Variants in PDE3A observed in about 807,000 individuals in gnomAD.
PDE3A encodes phosphodiesterase 3A.
PDE3A carries 43 observed loss-of-function variants against 98.3 expected under a neutral mutation model. That is an observed-to-expected ratio of 0.44 (90% confidence interval 0.34 to 0.56). The LOEUF (loss-of-function observed/expected upper bound fraction) is 0.56. PDE3A is among the 20% of genes least tolerant of loss of function. The pLI is 0.01. For missense variants in PDE3A, 1,427 were observed against 1,440.7 expected (o/e 0.99, Z 0.15); for synonymous variants, 663 against 567.9 (o/e 1.17, Z -2.38).
rs1284068860 is a variant in PDE3A, at chr12:20,589,126, G to T, written c.1012-24317G>T. On this transcript the variant is annotated intron_variant, in intron 2 of 15. Coordinates refer to ENST00000359062, the MANE Select transcript of PDE3A (RefSeq NM_000921.5). ...TTTTTAGTAGAGATGGGGTTTCACC[G>T]TGTTAGCCAGGATGGTCTTGATCTC... is the stretch of plus-strand genomic sequence containing the variant. 2.0e-5 allele frequency among the ~76,000 whole-genome samples: 3 copies of T among 151,948 alleles called. No individual in the cohort carries two copies. In the East Asian group the frequency reaches 5.9e-4, roughly 30 times the overall value.
At chr12:20,400,485 C>A (rs1198191705) in intron 1 of PDE3A, among the ~76,000 whole-genome samples, 2 of 145,438 alleles carry the variant, frequency 1.4e-5, no homozygotes, top group African/African-American at 5.1e-5. Flanking sequence ...CGGCTCACTG[C>A]AAGCTCCACC....
chr12:20,433,449 G>A (rs1944729883), intron 1 of PDE3A, among the ~76,000 whole-genome samples: 1 of 152,090 alleles, frequency 6.6e-6, no homozygotes, highest in South Asian at 2.1e-4. Flanking sequence ...GCAATTAGTG[G>A]TAATGTATTA....
At chr12:20,403,099 T>C (rs892699072) in intron 1 of PDE3A, among the ~76,000 whole-genome samples, 1 of 152,190 alleles carries the variant, frequency 6.6e-6, no homozygotes. Context: ...GGTAACCAAA[T>C]TTCATTTTCT....
At chr12:20,613,846 AATATTT>A (rs1257975437) in intron 3 of PDE3A, 146 bp downstream of exon 3, 2 of 616,724 alleles carry the variant, frequency 3.2e-6, no homozygotes, top group Non-Finnish European at 5.7e-6. Context: ...AGAAGTAATA[AATATTT>A]AAACATAAAG....
At chr12:20,450,154 C>T in intron 1 of PDE3A, 1 of 374,028 alleles carries the variant, frequency 2.7e-6, no homozygotes, top group Admixed American at 4.2e-5. Flanking sequence ...ATTTATTATG[C>T]TTTATTTTGT....
intron 1 of PDE3A, among the ~76,000 whole-genome samples, chr12:20,387,488 C>G (rs993515882): frequency 2.6e-5 from 4 of 151,936 alleles, no homozygotes; most frequent in African/African-American, 9.7e-5. Flanking sequence ...ATAGCAAAAA[C>G]ATGAGACTTT....
At chr12:20,518,499 A>G (rs1290029460) in intron 1 of PDE3A, among the ~76,000 whole-genome samples, 4 of 152,224 alleles carry the variant, frequency 2.6e-5, no homozygotes, top group Admixed American at 6.5e-5. Flanking sequence ...ATTCAAAAAG[A>G]AAGCAAAAGC....
At chr12:20,592,702 A>G (rs976767497) in intron 2 of PDE3A, among the ~76,000 whole-genome samples, 1 of 152,164 alleles carries the variant, frequency 6.6e-6, no homozygotes, top group African/African-American at 2.4e-5. Context: ...TTCATTGCTC[A>G]TGGGGATCTG....
chr12:20,567,918 A>C lies in PDE3A; in HGVS notation c.1011+11208A>C, dbSNP rs1369097598. Among the ~76,000 whole-genome samples, 3 of 151,628 alleles carry C rather than the reference A, an allele frequency of 2.0e-5. No individual in the cohort carries two copies. In the East Asian group the frequency reaches 5.8e-4, roughly 29 times the overall value. On this transcript the variant is annotated intron_variant, in intron 2 of 15. Coordinates refer to ENST00000359062, the MANE Select transcript of PDE3A (RefSeq NM_000921.5). ...TGGCTTTTGTTTATGGAAAAAGACA[A>C]GAGAGGAAAAAAGCATTATTTTAAC...
At chr12:20,545,787 A>AAAC (rs1236450548) in intron 1 of PDE3A, among the ~76,000 whole-genome samples, 3 of 149,386 alleles carry the variant, frequency 2.0e-5, no homozygotes, top group Non-Finnish European at 4.5e-5. Context: ...CAAAAAAAAA[A>AAAC]AAACAAAACA....
At chr12:20,553,728 G>C (rs770504833) in intron 1 of PDE3A, among the ~76,000 whole-genome samples, 2 of 152,246 alleles carry the variant, frequency 1.3e-5, no homozygotes, top group African/African-American at 2.4e-5. Context: ...TGTGGCTGAC[G>C]CTGTCCGACG....
At chr12:20,396,017 T>C (rs1944011083) in intron 1 of PDE3A, among the ~76,000 whole-genome samples, 2 of 152,052 alleles carry the variant, frequency 1.3e-5, no homozygotes, top group Admixed American at 1.3e-4. Flanking sequence ...GGCCTTGGCA[T>C]CCCAAAACAC....
chr12:20,590,782 T>C (rs963963882), intron 2 of PDE3A, among the ~76,000 whole-genome samples: 4 of 152,136 alleles, frequency 2.6e-5, no homozygotes, highest in African/African-American at 7.2e-5. Context: ...AAATTAGAAA[T>C]GAATTCATGA....
intron 2 of PDE3A, among the ~76,000 whole-genome samples, chr12:20,558,390 CA>C (rs1942424312): frequency 1.3e-5 from 2 of 151,916 alleles, no homozygotes; most frequent in Non-Finnish European, 2.9e-5. Context: ...TTCTAAAAAG[CA>C]AAAGCATTAA....
rs539973152 is a variant in PDE3A, at chr12:20,675,029, G to C, written c.3185-5001G>C. Among the ~76,000 whole-genome samples the C allele has an allele frequency of 1.1e-4, 16 of 151,790 alleles. No homozygotes were observed. The South Asian group carries it at 3.1e-3, about 30-fold the overall frequency. ...TCAAGTTCCTTGAGGTGCATTATTA[G>C]GTTGCTTATTTGAAACATTTTTAGT... On this transcript the variant is annotated intron_variant, in intron 15 of 15. Coordinates refer to ENST00000359062, the MANE Select transcript of PDE3A (RefSeq NM_000921.5).
At chr12:20,644,363 C>T (rs1359311014) in intron 10 of PDE3A, among the ~76,000 whole-genome samples, 2 of 152,072 alleles carry the variant, frequency 1.3e-5, no homozygotes, top group Non-Finnish European at 2.9e-5. Context: ...GTGTATCTGG[C>T]CCTTTAAAAT....
At chr12:20,545,777 C>CAAAAAAAAAAAAA (rs5796868) in intron 1 of PDE3A, among the ~76,000 whole-genome samples, 3 of 141,076 alleles carry the variant, frequency 2.1e-5, no homozygotes, top group Non-Finnish European at 4.6e-5. Flanking sequence ...TAGTGGCTGC[C>CAAAAAAAAAAAAA]AAAAAAAAAA....
intron 1 of PDE3A, among the ~76,000 whole-genome samples, chr12:20,532,425 C>T (rs1437970332): frequency 2.0e-5 from 3 of 151,724 alleles, no homozygotes; most frequent in African/African-American, 4.8e-5. Context: ...ATTAAGCTGA[C>T]GATTATGGTA....
At chr12:20,551,396 A>AT (rs1239499253) in intron 1 of PDE3A, among the ~76,000 whole-genome samples, 2 of 148,780 alleles carry the variant, frequency 1.3e-5, no homozygotes, top group African/African-American at 4.9e-5. Context: ...TTTTGTAATA[A>AT]AAAAAAAAAG....
Sources: allele counts gnomAD v4.1 joint callset (sites outside exome capture counted in the v4.1 genomes callset), GRCh38; gene constraint gnomAD v4.1.1; transcripts MANE v1.5; gene names NCBI Gene and HGNC (gene_info 2026-07-23, HGNC 2026-07-21).